Variants in RANGAP1 observed in about 807,000 individuals in gnomAD.
RANGAP1 encodes the protein ran GTPase-activating protein 1.
Under a neutral mutation model 63.5 loss-of-function variants are expected in RANGAP1, and 38 were observed. The observed-to-expected ratio is 0.60, with a 90% CI of 0.46 to 0.78. RANGAP1 has a LOEUF of 0.78. Ranked by LOEUF, RANGAP1 falls within the 30% of genes least tolerant of loss-of-function variation. The pLI is 0.00. For synonymous variants in RANGAP1, 329 were observed against 310.5 expected (o/e 1.06, Z -0.63); for missense variants, 630 against 740.3 (o/e 0.85, Z 1.73).
the RANGAP1 span, among the ~76,000 whole-genome samples, chr22:41,294,740 C>T: frequency 1.4e-5 from 2 of 140,780 alleles, no homozygotes; most frequent in Admixed American, 7.2e-5. Context: ...TCTGCCCGGC[C>T]GCCCCATCTG....
chr22:41,248,374 C>T (rs564617048), intron 15 of RANGAP1, among the ~76,000 whole-genome samples: 2 of 152,322 alleles, frequency 1.3e-5, no homozygotes, highest in Admixed American at 6.5e-5. Context: ...GCTAAGGAGG[C>T]GGCGCCATGC....
the RANGAP1 span, among the ~76,000 whole-genome samples, chr22:41,300,703 T>C: frequency 6.6e-6 from 1 of 151,478 alleles, no homozygotes; most frequent in African/African-American, 2.4e-5. Context: ...ACTCCTGACC[T>C]CAGGTGATCC....
chr22:41,256,751 G>A lies in RANGAP1; in HGVS notation c.848C>T (p.Ala283Val). 1 of 1,614,102 alleles carries A rather than the reference G, an allele frequency of 6.2e-7. No individual in the cohort carries two copies. Among genetic ancestry groups the A allele is most frequent in the Non-Finnish European group, 8.5e-7 (1 of 1,180,044 alleles). ...GCCGCCGCGGATGGCATCTGCAATG[G>A]CAACTGCACCCTTGGAGCGCACCAG... is the stretch of plus-strand genomic sequence containing the variant. ...DCLVRSKGAV[A>V]IADAIRGGLP... is the part of the protein sequence containing the mutation. Residue 283 changes from alanine to valine, a missense_variant, in exon 8 of 16, where the codon GCC becomes GTC. Coordinates refer to ENST00000356244, the MANE Select transcript of RANGAP1 (RefSeq NM_002883.4).
intron 1 of RANGAP1, chr22:41,282,312 A>C (rs1826788802): frequency 6.6e-6 from 1 of 152,084 alleles, no homozygotes; most frequent in African/African-American, 2.4e-5. Context: ...AAAGTAACTA[A>C]ATAAATGAAA....
At chr22:41,292,429 C>G in the RANGAP1 span, among the ~76,000 whole-genome samples, 2 of 151,500 alleles carry the variant, frequency 1.3e-5, no homozygotes. Context: ...GGATTACAGG[C>G]GTGAGTCACT....
At chr22:41,252,109 G>A (rs576475607) in intron 12 of RANGAP1, among the ~76,000 whole-genome samples, 46 of 152,214 alleles carry the variant, frequency 3.0e-4, no homozygotes, top group African/African-American at 1.1e-3. Flanking sequence ...GAGGTGGGTG[G>A]ATCATGAGGT....
intron 3 of RANGAP1, among the ~76,000 whole-genome samples, chr22:41,269,047 G>A (rs1242278854): frequency 6.6e-6 from 1 of 152,162 alleles, no homozygotes; most frequent in Non-Finnish European, 1.5e-5. Flanking sequence ...TCCATTCATA[G>A]AAGTGCTTTG....
chr22:41,254,234 CCATTGTGAAAGTGCCT>C, intron 11 of RANGAP1, 58 bp downstream of exon 11: 1 of 1,552,594 alleles, frequency 6.4e-7, no homozygotes, highest in Non-Finnish European at 8.9e-7. Flanking sequence ...ACCCCCTACC[CCATTGTGAAAGTGCCT>C]CGGGATTTCA....
chr22:41,256,798 C>G lies in RANGAP1; in HGVS notation c.801G>C (p.Glu267Asp). 1 of 1,614,072 alleles carries G rather than the reference C, an allele frequency of 6.2e-7. No homozygotes were observed. Among genetic ancestry groups the G allele is most frequent in the African/African-American group, 1.3e-5 (1 of 75,048 alleles). Residue 267 changes from glutamate to aspartate, a missense_variant, in exon 8 of 16, where the codon GAG becomes GAC. Transcript: ENST00000356244. ...AETLKTLRQV[E>D]VINFGDCLVR... Reference sequence around the variant, plus strand: ...CCAGGCAGTCCCCAAAATTAATCACCTCCACCTGCCGCAAGGTCTTCAAGG... The same window carrying G: ...CCAGGCAGTCCCCAAAATTAATCACGTCCACCTGCCGCAAGGTCTTCAAGG...
At chr22:41,254,136 C>T (rs894103164) in intron 11 of RANGAP1, among the ~76,000 whole-genome samples, 172 bp downstream of exon 11, 1 of 151,582 alleles carries the variant, frequency 6.6e-6, no homozygotes, top group Non-Finnish European at 1.5e-5. Context: ...ATATAGGTAA[C>T]TATCATTACA....
chr22:41,297,920 A>C, the RANGAP1 span, among the ~76,000 whole-genome samples: 3 of 150,718 alleles, frequency 2.0e-5, no homozygotes, highest in East Asian at 3.9e-4. Context: ...AGTGCAGTGG[A>C]ACGATCTCGG....
the RANGAP1 span, among the ~76,000 whole-genome samples, chr22:41,292,872 G>A: frequency 6.6e-6 from 1 of 152,146 alleles, no homozygotes; most frequent in Non-Finnish European, 1.5e-5. Flanking sequence ...GGGAGGCTGA[G>A]GTGTGAGGAT....
intron 13 of RANGAP1, among the ~76,000 whole-genome samples, chr22:41,250,106 C>T (rs962776714): frequency 5.9e-5 from 9 of 152,226 alleles, no homozygotes; most frequent in African/African-American, 2.2e-4. Context: ...CACCTCACAC[C>T]GTGGGAATGG....
At chr22:41,249,505 C>T in intron 14 of RANGAP1, 54 bp from the exon 15 acceptor site, 5 of 1,609,538 alleles carry the variant, frequency 3.1e-6, no homozygotes, top group Non-Finnish European at 4.2e-6. Flanking sequence ...CTGGGGGGGC[C>T]CCTGGACTCC....
intron 6 of RANGAP1, among the ~76,000 whole-genome samples, chr22:41,258,540 G>A (rs548039911): frequency 5.3e-5 from 8 of 152,202 alleles, no homozygotes; most frequent in Non-Finnish European, 7.4e-5. Context: ...TAACCCCTTC[G>A]ACATGGCGTC....
At chr22:41,254,287 T>C in intron 11 of RANGAP1, 21 bp downstream of exon 11, 4 of 1,614,010 alleles carry the variant, frequency 2.5e-6, no homozygotes, top group Non-Finnish European at 3.4e-6. Flanking sequence ...GCTCTGATTG[T>C]GGCAGATGAT....
At chr22:41,268,186 G>T in intron 3 of RANGAP1, 30 bp from the exon 4 acceptor site, 2 of 1,503,620 alleles carry the variant, frequency 1.3e-6, no homozygotes, top group Non-Finnish European at 1.8e-6. Flanking sequence ...AGAGTTAGCG[G>T]GAGAGAGACC....
At chr22:41,256,643 CCT>C in intron 8 of RANGAP1, 66 bp downstream of exon 8, 1 of 1,403,396 alleles carries the variant, frequency 7.1e-7, no homozygotes, top group South Asian at 1.2e-5. Context: ...AGACCAGACC[CCT>C]GTGCCCCCAG....
At chr22:41,282,733 C>T (rs2035558146) in intron 1 of RANGAP1, among the ~76,000 whole-genome samples, 1 of 152,142 alleles carries the variant, frequency 6.6e-6, no homozygotes, top group Non-Finnish European at 1.5e-5. Flanking sequence ...ATGTGTACTG[C>T]CTATAAATTG....
Sources: gnomAD v4.1 joint callset for allele counts (sites outside exome capture counted in the v4.1 genomes callset) on GRCh38, gnomAD v4.1.1 for gene constraint, MANE v1.5 for transcripts, NCBI Gene and HGNC (gene_info 2026-07-23, HGNC 2026-07-21) for gene names.